The following FOXN3 variants were observed in gnomAD, a reference collection of about 807,000 sequenced individuals.
FOXN3 encodes forkhead box protein N3.
Under a neutral mutation model 38.4 loss-of-function variants are expected in FOXN3, and 7 were observed. The observed-to-expected ratio is 0.18, with a 90% CI of 0.10 to 0.34. The LOEUF (loss-of-function observed/expected upper bound fraction) is 0.34. Among genes scored for constraint, FOXN3 ranks in the 10% least tolerant of loss-of-function variants. The pLI, the probability that FOXN3 is intolerant of heterozygous loss-of-function variation, is 1.00. For synonymous variants in FOXN3, 230 were observed against 242.2 expected (o/e 0.95, Z 0.47); for missense variants, 456 against 613.4 (o/e 0.74, Z 2.71).
intron 1 of FOXN3, among the ~76,000 whole-genome samples, chr14:89,512,079 C>T (rs11622254): frequency 0.4 from 60,420 of 151,652 alleles, 13,962 homozygotes; most frequent in Non-Finnish European, 0.52. Context: ...GCAAAAAGGA[C>T]AGTTTGCTGC....
chr14:89,157,600 C>T lies in FOXN3; in HGVS notation c.*4814G>A, dbSNP rs1887010195. 1 of 152,458 alleles carries T rather than the reference C, an allele frequency of 6.6e-6. No homozygotes were observed. Among genetic ancestry groups the T allele is most frequent in the South Asian group, 2.1e-4 (1 of 4,820 alleles). 9.4% of individuals were successfully genotyped at this position (152,458 alleles called of 1,614,324 possible). A position where few individuals can be genotyped will look rare whatever the true frequency, so the allele number is the denominator to read the frequency against. ...TGTATATACTTTGATTTACACATTC[C>T]GTTACAAAGGAAAAAAAGACACCAT... On this transcript the variant is annotated 3_prime_UTR_variant, in exon 6 of 6. Transcript: ENST00000557258.
At chr14:89,191,426 A>G (rs1319531367) in intron 4 of FOXN3, among the ~76,000 whole-genome samples, 2 of 152,176 alleles carry the variant, frequency 1.3e-5, no homozygotes, top group Non-Finnish European at 2.9e-5. Flanking sequence ...TGAAGTGTGC[A>G]ATTGAAGTCG....
chr14:89,194,971 T>G (rs1888061300), intron 4 of FOXN3, among the ~76,000 whole-genome samples: 1 of 152,242 alleles, frequency 6.6e-6, no homozygotes, highest in Admixed American at 6.5e-5. Flanking sequence ...TTCACTTATT[T>G]CGTCAGCCTT....
At chr14:89,290,805 G>T in intron 3 of FOXN3, 1 of 275,902 alleles carries the variant, frequency 3.6e-6, no homozygotes, top group Non-Finnish European at 7.2e-6. Context: ...GGTTCTGCAG[G>T]GTTAGGCTTC....
At chr14:89,286,015 C>A (rs1886618437) in intron 3 of FOXN3, among the ~76,000 whole-genome samples, 1 of 151,974 alleles carries the variant, frequency 6.6e-6, no homozygotes, top group Non-Finnish European at 1.5e-5. Flanking sequence ...TACAGGCACA[C>A]ACCACTATGC....
chr14:89,517,003 C>A (rs1040902954), intron 1 of FOXN3, among the ~76,000 whole-genome samples: 4 of 152,196 alleles, frequency 2.6e-5, no homozygotes, highest in Non-Finnish European at 5.9e-5. Flanking sequence ...CTCCCCAGAA[C>A]TGACTCAAAT....
At chr14:89,523,171 C>A (rs991903558) in intron 1 of FOXN3, among the ~76,000 whole-genome samples, 1 of 152,000 alleles carries the variant, frequency 6.6e-6, no homozygotes, top group Non-Finnish European at 1.5e-5. Flanking sequence ...ACATAACAAC[C>A]CTAAATGTCT....
intron 3 of FOXN3, among the ~76,000 whole-genome samples, chr14:89,344,674 G>A (rs1888713580): frequency 6.6e-6 from 1 of 152,160 alleles, no homozygotes; most frequent in Non-Finnish European, 1.5e-5. Context: ...CCCACTATAA[G>A]TACCAAAATC....
At chr14:89,321,893 C>A (rs1216026417) in intron 3 of FOXN3, among the ~76,000 whole-genome samples, 2 of 152,122 alleles carry the variant, frequency 1.3e-5, no homozygotes, top group Non-Finnish European at 2.9e-5. Context: ...CAATGATCTA[C>A]CACTCCAGAC....
chr14:89,318,810 G>A (rs12590082), intron 3 of FOXN3, among the ~76,000 whole-genome samples: 65,998 of 152,100 alleles, frequency 0.43, 15,024 homozygotes, highest in Non-Finnish European at 0.51. Flanking sequence ...TTCCTGCACC[G>A]TGGCCAGATG....
chr14:89,194,791 C>T (rs1888055320), intron 4 of FOXN3, among the ~76,000 whole-genome samples: 1 of 150,142 alleles, frequency 6.7e-6, no homozygotes, highest in Non-Finnish European at 1.5e-5. Context: ...CAAAATCATA[C>T]TTTCTTATAT....
chr14:89,551,911 CA>C (rs1321098858), intron 1 of FOXN3, among the ~76,000 whole-genome samples: 4 of 152,160 alleles, frequency 2.6e-5, no homozygotes, highest in Non-Finnish European at 5.9e-5. Context: ...TCTCACGCCA[CA>C]GCAAAAATTC....
intron 1 of FOXN3, among the ~76,000 whole-genome samples, chr14:89,527,394 T>G (rs951597013): frequency 6.6e-5 from 10 of 152,310 alleles, no homozygotes; most frequent in African/African-American, 2.4e-4. Flanking sequence ...ACTTCAAAAT[T>G]AAGAATGTCT....
intron 3 of FOXN3, among the ~76,000 whole-genome samples, chr14:89,304,295 G>A (rs1277135161): frequency 1.3e-5 from 2 of 152,146 alleles, no homozygotes; most frequent in East Asian, 1.9e-4. Flanking sequence ...TGCTGAGCTG[G>A]AGCCCGGGAA....
Position 89,287,749 on chromosome 14 carries a change from TAAA to T in FOXN3, c.681-6738_681-6736del, listed in dbSNP as rs58930677. ...AGATGTCACTTACTCTAAAGAATGC[TAAA>T]AAAAAAAAAAAAAAAAAAAAGTAAC... is the stretch of plus-strand genomic sequence containing the variant. On this transcript the variant is annotated intron_variant, in intron 3 of 5. Coordinates refer to ENST00000557258, the MANE Select transcript of FOXN3 (RefSeq NM_005197.4). Among the ~76,000 whole-genome samples, 496 of 129,660 alleles carry T rather than the reference TAAA, an allele frequency of 3.8e-3. 4 individuals carry two copies. Among genetic ancestry groups the T allele is most frequent in the East Asian group, 9.7e-3 (43 of 4,424 alleles). 85.1% of individuals were successfully genotyped at this position (129,660 alleles called of 152,430 possible).
At chr14:89,426,169 C>T (rs527464727) in intron 1 of FOXN3, among the ~76,000 whole-genome samples, 2 of 147,202 alleles carry the variant, frequency 1.4e-5, no homozygotes, top group East Asian at 4.0e-4. Context: ...CTGAATGACT[C>T]ATTTGTACGT....
intron 3 of FOXN3, among the ~76,000 whole-genome samples, chr14:89,306,401 T>A (rs992169918): frequency 2.6e-4 from 40 of 151,864 alleles, no homozygotes; most frequent in Middle Eastern, 3.4e-3. Context: ...GGAGTCTTGC[T>A]CTGTTGCCCA....
At chr14:89,279,415 T>C (rs1029039525) in intron 4 of FOXN3, among the ~76,000 whole-genome samples, 3 of 152,238 alleles carry the variant, frequency 2.0e-5, no homozygotes, top group African/African-American at 7.2e-5. Flanking sequence ...ACTTACCTAA[T>C]GCCAAAGTGA....
At chr14:89,206,180 T>C (rs1888379324) in intron 4 of FOXN3, among the ~76,000 whole-genome samples, 1 of 152,206 alleles carries the variant, frequency 6.6e-6, no homozygotes, top group African/African-American at 2.4e-5. Flanking sequence ...GCAGCCTGAA[T>C]GGACTAACAT....
Sources: allele counts gnomAD v4.1 joint callset (sites outside exome capture counted in the v4.1 genomes callset), GRCh38; gene constraint gnomAD v4.1.1; transcripts MANE v1.5; gene names NCBI Gene and HGNC (gene_info 2026-07-23, HGNC 2026-07-21).